The following FRMPD4 variants were observed in gnomAD, a reference collection of about 807,000 sequenced individuals.
The protein encoded by FRMPD4 is FERM and PDZ domain containing 4, also known as FERM and PDZ domain-containing protein 4.
In FRMPD4, 22 loss-of-function variants were observed where a neutral mutation model predicts 94.1. The ratio of observed to expected loss-of-function variants is 0.23; its 90% CI spans 0.17 to 0.33. The LOEUF is 0.33. FRMPD4 is among the 10% of genes least tolerant of loss of function. The pLI, the probability that FRMPD4 is intolerant of heterozygous loss-of-function variation, is 1.00. For missense variants in FRMPD4, 1,111 were observed against 1,339.9 expected (o/e 0.83, Z 2.67); for synonymous variants, 631 against 548.6 (o/e 1.15, Z -2.10).
At chrX:12,280,309 A>G (rs2147859918) in intron 1 of FRMPD4, among the ~76,000 whole-genome samples, 1 of 109,417 alleles carries the variant, frequency 9.1e-6, no homozygotes, top group South Asian at 4.1e-4. Context: ...GAACAAGACT[A>G]TCCTAGGGAA....
chrX:12,668,973 T>C (rs907608789), intron 4 of FRMPD4, among the ~76,000 whole-genome samples: 3 of 111,731 alleles, frequency 2.7e-5, no homozygotes, highest in Non-Finnish European at 5.6e-5. Context: ...GCAGGCAAAA[T>C]GTAAGATGGA....
intron 3 of FRMPD4, among the ~76,000 whole-genome samples, chrX:11,906,220 T>C (rs1351620139): frequency 9.1e-6 from 1 of 109,558 alleles, no homozygotes; most frequent in Non-Finnish European, 1.9e-5. Flanking sequence ...AGGTCTCAGC[T>C]TACTGCAAGC....
intron 1 of FRMPD4, among the ~76,000 whole-genome samples, chrX:12,468,649 C>A (rs2057475748): frequency 9.0e-6 from 1 of 111,625 alleles, no homozygotes; most frequent in Non-Finnish European, 1.9e-5. Flanking sequence ...TTGAGGTTTA[C>A]AAGCAACAGA....
chrX:12,108,598 T>C (rs2055322942), intron 3 of FRMPD4, among the ~76,000 whole-genome samples: 2 of 112,069 alleles, frequency 1.8e-5, no homozygotes, highest in East Asian at 5.6e-4. Context: ...GTAAATGGGC[T>C]AAATGCTCCA....
rs181588332 is a variant in FRMPD4 at position 12,364,237 on chromosome X, G to A, written c.42-134443G>A. ...ATCAGGAGATGACTGCCACTGAAGA[G>A]ACAGTTTGTTACAGTTCCCAAGAGG... On this transcript the variant is annotated intron_variant, in intron 1 of 16. Transcript: ENST00000675598. Among the ~76,000 whole-genome samples the A allele has an allele frequency of 8.2e-3, 915 of 111,450 alleles. 9 individuals carry two copies. Among genetic ancestry groups the A allele is most frequent in the Non-Finnish European group, 0.011 (604 of 53,092 alleles).
chrX:12,590,647 T>G lies in FRMPD4; in HGVS notation c.159-19074T>G, dbSNP rs777064675. 3.6e-5 allele frequency among the ~76,000 whole-genome samples: 4 copies of G among 112,379 alleles called. No individual in the cohort carries two copies. The South Asian group carries it at 1.5e-3, about 41-fold the overall frequency. On this transcript the variant is annotated intron_variant, in intron 2 of 16. Transcript: ENST00000675598. ...ATATCCTTATTTGCGAAGTATTCTT[T>G]GCACACAATTATATGCCATACACTG... is the stretch of plus-strand genomic sequence containing the variant.
intron 1 of FRMPD4, among the ~76,000 whole-genome samples, chrX:12,387,668 T>C (rs2148032128): frequency 9.0e-6 from 1 of 110,797 alleles, no homozygotes; most frequent in South Asian, 3.8e-4. Flanking sequence ...TAAATTGATA[T>C]ATGGGTATCA....
intron 3 of FRMPD4, among the ~76,000 whole-genome samples, chrX:12,082,483 G>T (rs113488356): frequency 0.015 from 1,625 of 111,771 alleles, 7 homozygotes; most frequent in South Asian, 0.017. Flanking sequence ...CAGTTTTGGG[G>T]ATGTCTTTAT....
intron 3 of FRMPD4, among the ~76,000 whole-genome samples, chrX:12,082,446 A>G (rs968285965): frequency 8.9e-6 from 1 of 112,104 alleles, no homozygotes; most frequent in Non-Finnish European, 1.9e-5. Context: ...GTGGAACTGT[A>G]AGTCCAATTA....
chrX:12,208,707 G>A, intron 1 of FRMPD4, among the ~76,000 whole-genome samples: 1 of 111,703 alleles, frequency 9.0e-6, no homozygotes, highest in South Asian at 3.7e-4. Flanking sequence ...AATGTTTACA[G>A]TAAATTAAAG....
chrX:12,233,553 A>G (rs768450669), intron 1 of FRMPD4, among the ~76,000 whole-genome samples: 1 of 111,743 alleles, frequency 8.9e-6, no homozygotes, highest in South Asian at 3.8e-4. Flanking sequence ...TTGTTCTTTC[A>G]AAAAGCATTG....
intron 3 of FRMPD4, among the ~76,000 whole-genome samples, chrX:12,027,647 G>T (rs1002767721): frequency 3.6e-5 from 4 of 111,767 alleles, no homozygotes; most frequent in African/African-American, 9.7e-5. Flanking sequence ...TTCAGTCCTT[G>T]ATTCTTTTAA....
chrX:11,987,910 A>G (rs2054441172), intron 3 of FRMPD4, among the ~76,000 whole-genome samples: 1 of 111,526 alleles, frequency 9.0e-6, no homozygotes, highest in African/African-American at 3.2e-5. Flanking sequence ...AATCAAAACT[A>G]TAAGACACTG....
intron 4 of FRMPD4, among the ~76,000 whole-genome samples, chrX:12,673,652 T>C (rs1385311911): frequency 8.9e-6 from 1 of 112,249 alleles, no homozygotes; most frequent in East Asian, 2.8e-4. Flanking sequence ...CTCTGTCCAC[T>C]GCAGTCATTG....
At chrX:12,596,682 A>G (rs969158075) in intron 2 of FRMPD4, among the ~76,000 whole-genome samples, 3 of 110,958 alleles carry the variant, frequency 2.7e-5, no homozygotes, top group Non-Finnish European at 5.7e-5. Flanking sequence ...ACATGATCTG[A>G]AGATCCCTAC....
chrX:12,099,959 G>A (rs1451685100), intron 3 of FRMPD4, among the ~76,000 whole-genome samples: 2 of 112,162 alleles, frequency 1.8e-5, no homozygotes, highest in African/African-American at 3.2e-5. Flanking sequence ...GCCAAATCTG[G>A]CCTGTGGCTT....
At chrX:12,653,203 TA>T (rs1038792344) in intron 4 of FRMPD4, among the ~76,000 whole-genome samples, 9 of 111,192 alleles carry the variant, frequency 8.1e-5, no homozygotes, top group Non-Finnish European at 1.3e-4. Context: ...AAATTTGCAG[TA>T]AAAAAAATGC....
intron 2 of FRMPD4, among the ~76,000 whole-genome samples, chrX:12,606,036 G>C (rs963247584): frequency 8.9e-6 from 1 of 112,522 alleles, no homozygotes; most frequent in East Asian, 2.8e-4. Flanking sequence ...GCATTGTGGA[G>C]TTGTTTTGGA....
At chrX:12,624,002 G>A (rs957974967) in intron 4 of FRMPD4, among the ~76,000 whole-genome samples, 3 of 111,897 alleles carry the variant, frequency 2.7e-5, no homozygotes, top group African/African-American at 6.5e-5. Flanking sequence ...AACACAGTGC[G>A]ATCCCATCTC....
Sources: allele counts gnomAD v4.1 joint callset (sites outside exome capture counted in the v4.1 genomes callset), GRCh38; gene constraint gnomAD v4.1.1; transcripts MANE v1.5; gene names NCBI Gene and HGNC (gene_info 2026-07-23, HGNC 2026-07-21).